Variants in NCAPG2 observed in about 807,000 individuals in gnomAD.
NCAPG2 encodes the protein non-SMC condensin II complex subunit G2, also known as condensin-2 complex subunit G2.
In NCAPG2, 53 loss-of-function variants were observed where a neutral mutation model predicts 141.1. The observed-to-expected ratio is 0.38, with a 90% CI of 0.30 to 0.47. NCAPG2 has a LOEUF of 0.47. Ranked by LOEUF, NCAPG2 falls within the 20% of genes least tolerant of loss-of-function variation. The pLI is 0.99. For synonymous variants in NCAPG2, 499 were observed against 490.7 expected (o/e 1.02, Z -0.22); for missense variants, 1,087 against 1,389.0 (o/e 0.78, Z 3.46).
rs560076998 is a variant in NCAPG2 at position 158,694,690 on chromosome 7, G to A, written c.79-1193C>T. ...TCATAAAAAACACAGTAAGATGGAG[G>A]AACTAGAGTAAAGATAACCTCATAA... On this transcript the variant is annotated intron_variant, in intron 2 of 27. Coordinates refer to ENST00000356309, the MANE Select transcript of NCAPG2 (RefSeq NM_017760.7). Among the ~76,000 whole-genome samples, 25 of 152,288 alleles carry A rather than the reference G, an allele frequency of 1.6e-4. 1 individual carries two copies. The highest frequency in any genetic ancestry group is 5.5e-4 in the African/African-American group (23 of 41,560).
At chr7:158,637,674 C>T (rs969991106) in intron 27 of NCAPG2, among the ~76,000 whole-genome samples, 19 of 77,168 alleles carry the variant, frequency 2.5e-4, no homozygotes, top group Middle Eastern at 8.1e-3. Context: ...CACAGAAGGC[C>T]GCTAACAATT....
chr7:158,655,854 G>A (rs774031950), intron 19 of NCAPG2, among the ~76,000 whole-genome samples: 11 of 148,260 alleles, frequency 7.4e-5, no homozygotes, highest in African/African-American at 1.2e-4. Flanking sequence ...GACGGCCTCC[G>A]TGGGACAGCT....
In NCAPG2 at chr7:158,652,495, G is replaced by A. The variant is rs1831562260; in HGVS notation, c.2747-15C>T. ...AAATCCCTTCACTAGAAAGAAAATT[G>A]GAATATATCAGTTTTCTAATCACAC... On this transcript the variant is annotated splice_polypyrimidine_tract_variant and intron_variant, in intron 22 of 27. Coordinates refer to ENST00000356309, the MANE Select transcript of NCAPG2 (RefSeq NM_017760.7). 4 of 1,556,538 alleles carry A rather than the reference G, an allele frequency of 2.6e-6. No homozygotes were observed. Among genetic ancestry groups the A allele is most frequent in the Non-Finnish European group, 3.5e-6 (4 of 1,140,560 alleles).
chr7:158,675,763 G>T, intron 11 of NCAPG2, 107 bp from the exon 12 acceptor site: 1 of 1,185,852 alleles, frequency 8.4e-7, no homozygotes, highest in South Asian at 1.4e-5. Context: ...GAGAAACTTT[G>T]AGCATAGAAA....
intron 2 of NCAPG2, among the ~76,000 whole-genome samples, chr7:158,699,520 C>G (rs1835658399): frequency 2.0e-5 from 3 of 152,182 alleles, no homozygotes; most frequent in African/African-American, 7.2e-5. Flanking sequence ...AGACACCTAC[C>G]AGCTCAGTCC....
rs868494349 is a variant in NCAPG2 at position 158,683,444 on chromosome 7, G to A, written c.838-58C>T. 27 of 1,291,844 alleles carry A rather than the reference G, an allele frequency of 2.1e-5. No individual in the cohort carries two copies. In the South Asian group the frequency reaches 3.8e-4, roughly 18 times the overall value. 80.0% of individuals were successfully genotyped at this position (1,291,844 alleles called of 1,614,324 possible). On this transcript the variant is annotated intron_variant, in intron 8 of 27. Transcript: ENST00000356309. ...TGTGTGTGTGTCCTACTGACGACCT[G>A]ACAAGCAGTGCGGCATTTGAGTACA...
intron 8 of NCAPG2, among the ~76,000 whole-genome samples, chr7:158,684,276 A>G (rs1042150387): frequency 6.6e-6 from 1 of 152,258 alleles, no homozygotes; most frequent in Non-Finnish European, 1.5e-5. Context: ...AGAGCTAACT[A>G]TCAGTATGCC....
At position 158,693,480 on chromosome 7, in the gene NCAPG2, A is replaced by G. The variant is rs1835254986; in HGVS notation, c.96T>C (p.Pro32=). ...CATCTAGTAATTCATTTAGGCTGAA[A>G]GGATCAGAGGCCTCTTTCTGTAACA... ...FVQLDKEASD[P]FSLNELLDEL... Residue 32 remains proline, a synonymous_variant, in exon 3 of 28, where the codon CCT becomes CCC. Coordinates refer to ENST00000356309, the MANE Select transcript of NCAPG2 (RefSeq NM_017760.7). 1.9e-6 allele frequency: 3 copies of G among 1,611,556 alleles called. No individual in the cohort carries two copies. Among genetic ancestry groups the G allele is most frequent in the South Asian group, 2.2e-5 (2 of 90,616 alleles).
intron 13 of NCAPG2, among the ~76,000 whole-genome samples, chr7:158,670,243 AC>A (rs1005323304): frequency 6.6e-6 from 1 of 152,132 alleles, no homozygotes. Flanking sequence ...AAAACACACA[AC>A]GTAATATGTA....
At chr7:158,650,561 A>G (rs1326039337) in intron 24 of NCAPG2, among the ~76,000 whole-genome samples, 1 of 152,226 alleles carries the variant, frequency 6.6e-6, no homozygotes, top group Non-Finnish European at 1.5e-5. Context: ...TCCTGAATGT[A>G]GCATAAAAGC....
chr7:158,637,570 C>CCCTGGCCCACCCCA (rs1830357965), intron 27 of NCAPG2, among the ~76,000 whole-genome samples: 2 of 152,250 alleles, frequency 1.3e-5, no homozygotes, highest in African/African-American at 2.4e-5. Context: ...GGCTTTCCAG[C>CCCTGGCCCACCCCA]TCCGGCTCCA....
intron 12 of NCAPG2, among the ~76,000 whole-genome samples, chr7:158,674,555 G>T (rs1309935399): frequency 2.0e-5 from 3 of 152,208 alleles, no homozygotes; most frequent in Non-Finnish European, 4.4e-5. Flanking sequence ...CTCCCAAAGT[G>T]CTGGGATTAC....
chr7:158,653,745 A>C (rs1563513201), intron 22 of NCAPG2, among the ~76,000 whole-genome samples: 1 of 152,256 alleles, frequency 6.6e-6, no homozygotes, highest in Admixed American at 6.5e-5. Context: ...TATCATTTTC[A>C]ATCTCTTCTA....
At position 158,633,802 on chromosome 7, in the gene NCAPG2, G is replaced by A. The variant is rs1476821717; in HGVS notation, c.3381-2085C>T. Among the ~76,000 whole-genome samples the A allele has an allele frequency of 6.6e-6, 1 of 151,856 alleles. No individual in the cohort carries two copies. The highest frequency in any genetic ancestry group is 2.4e-5 in the African/African-American group (1 of 41,322). On this transcript the variant is annotated intron_variant, in intron 27 of 27. Coordinates refer to ENST00000356309, the MANE Select transcript of NCAPG2 (RefSeq NM_017760.7). The surrounding 1 kb of genome is among the most constrained non-coding windows in gnomAD (Gnocchi z 4.1). ...GTCACGCTCTGTCACCCAGGCTGAAGTGCAGCAGTGAGGTCACAGCTCACT... is the reference window on the plus strand; with the variant it reads ...GTCACGCTCTGTCACCCAGGCTGAAATGCAGCAGTGAGGTCACAGCTCACT...
chr7:158,648,418 AACAG>A (rs1294491219), intron 24 of NCAPG2, among the ~76,000 whole-genome samples: 3 of 152,234 alleles, frequency 2.0e-5, no homozygotes, highest in African/African-American at 4.8e-5. Flanking sequence ...AGACTAACAG[AACAG>A]ACAGACTGAT....
At position 158,684,640 on chromosome 7, in the gene NCAPG2, G is replaced by A. The variant is rs190493327; in HGVS notation, c.838-1254C>T. Among the ~76,000 whole-genome samples, 25 of 152,330 alleles carry A rather than the reference G, an allele frequency of 1.6e-4. 1 individual carries two copies. Among genetic ancestry groups the A allele is most frequent in the African/African-American group, 5.3e-4 (22 of 41,572 alleles). On this transcript the variant is annotated intron_variant, in intron 8 of 27. Transcript: ENST00000356309. Reference sequence around the variant, plus strand: ...CCTGAAAAACTTAAAGAGAGGGAGGGCAGAGAGGAATGGAGTGAGACTGAG... The same window carrying A: ...CCTGAAAAACTTAAAGAGAGGGAGGACAGAGAGGAATGGAGTGAGACTGAG...
chr7:158,655,057 A>G (rs899848742), intron 21 of NCAPG2, 61 bp downstream of exon 21: 2 of 1,510,542 alleles, frequency 1.3e-6, no homozygotes, highest in African/African-American at 1.4e-5. Flanking sequence ...GTAGAAAATG[A>G]AATCCTGAAA....
intron 27 of NCAPG2, among the ~76,000 whole-genome samples, chr7:158,643,152 C>A (rs1830760897): frequency 6.6e-6 from 1 of 152,114 alleles, no homozygotes; most frequent in Non-Finnish European, 1.5e-5. Context: ...TTAATAGAGA[C>A]AGGATTTCAC....
chr7:158,643,732 C>G (rs1401575026), intron 27 of NCAPG2, among the ~76,000 whole-genome samples: 1 of 152,174 alleles, frequency 6.6e-6, no homozygotes, highest in Non-Finnish European at 1.5e-5. Flanking sequence ...TGTGGTTGAT[C>G]TAAAAGTCAA....
Sources: gnomAD v4.1 joint callset for allele counts (sites outside exome capture counted in the v4.1 genomes callset) on GRCh38, gnomAD v4.1.1 for gene constraint, Gnocchi (gnomAD v3.1) non-coding constraint, MANE v1.5 for transcripts, NCBI Gene and HGNC (gene_info 2026-07-23, HGNC 2026-07-21) for gene names.